AGBL4: variants seen among roughly 807,000 people sequenced by gnomAD.
AGBL4 encodes the protein AGBL carboxypeptidase 4.
Under a neutral mutation model 66.4 loss-of-function variants are expected in AGBL4, and 58 were observed. That is an observed-to-expected ratio of 0.87 (90% CI 0.71 to 1.09). AGBL4 has a LOEUF of 1.09. AGBL4 is among the 50% of genes least tolerant of loss of function. The pLI, the probability that AGBL4 is intolerant of heterozygous loss-of-function variation, is 0.00. For synonymous variants in AGBL4, 234 were observed against 222.9 expected (o/e 1.05, Z -0.44); for missense variants, 579 against 631.0 (o/e 0.92, Z 0.88).
At position 49,178,663 on chromosome 1, in the gene AGBL4, T is replaced by C. The variant is rs185848454; in HGVS notation, c.377+67107A>G. ...AGGTCTCATTCTCAAATTTAATCTT[T>C]ATGAGAACAAGGACCATTCCTGCTT... On this transcript the variant is annotated intron_variant, in intron 4 of 13. Coordinates refer to ENST00000371839, the MANE Select transcript of AGBL4 (RefSeq NM_032785.4). 3.5e-3 allele frequency among the ~76,000 whole-genome samples: 527 copies of C among 152,252 alleles called. 1 individual carries two copies. The highest frequency in any genetic ancestry group is 5.9e-3 in the Non-Finnish European group (401 of 68,014).
At chr1:48,587,621 A>T (rs1025516455) in intron 10 of AGBL4, among the ~76,000 whole-genome samples, 3 of 148,338 alleles carry the variant, frequency 2.0e-5, no homozygotes, top group Admixed American at 6.7e-5. Flanking sequence ...TTATTATTTT[A>T]TTTATTTTAT....
intron 2 of AGBL4, among the ~76,000 whole-genome samples, chr1:49,789,857 G>T (rs767466464): frequency 3.3e-5 from 5 of 152,138 alleles, no homozygotes; most frequent in African/African-American, 4.8e-5. Flanking sequence ...AACCAAAAAA[G>T]AGCCCGTATA....
intron 7 of AGBL4, among the ~76,000 whole-genome samples, chr1:48,662,106 G>C (rs537847542): frequency 2.6e-5 from 4 of 152,190 alleles, no homozygotes; most frequent in African/African-American, 9.7e-5. Context: ...GTAAGAATAC[G>C]AACTGGGAAA....
chr1:49,440,766 A>AC (rs1646010175), intron 3 of AGBL4, among the ~76,000 whole-genome samples: 1 of 152,178 alleles, frequency 6.6e-6, no homozygotes, highest in Non-Finnish European at 1.5e-5. Flanking sequence ...AGGTGCACGT[A>AC]CAGCCTCGCC....
chr1:49,893,408 A>C (rs1207483297), intron 1 of AGBL4, among the ~76,000 whole-genome samples: 1 of 152,186 alleles, frequency 6.6e-6, no homozygotes, highest in East Asian at 1.9e-4. Flanking sequence ...GTAAACCACA[A>C]AGTAGGCTCT....
intron 3 of AGBL4, among the ~76,000 whole-genome samples, chr1:49,415,654 G>A (rs764151427): frequency 2.0e-5 from 3 of 152,128 alleles, no homozygotes; most frequent in Non-Finnish European, 4.4e-5. Context: ...GCAAAGGAGA[G>A]TGAGAGATGG....
chr1:49,436,372 T>C (rs1645903609), intron 3 of AGBL4, among the ~76,000 whole-genome samples: 1 of 152,062 alleles, frequency 6.6e-6, no homozygotes, highest in Non-Finnish European at 1.5e-5. Flanking sequence ...TGATTATAAT[T>C]AGGTCAACAG....
At chr1:49,844,509 C>G (rs1646086252) in intron 2 of AGBL4, among the ~76,000 whole-genome samples, 1 of 151,876 alleles carries the variant, frequency 6.6e-6, no homozygotes, top group African/African-American at 2.4e-5. Flanking sequence ...CTTCCTTATT[C>G]TGTTTTTCCC....
At chr1:48,735,088 C>T (rs1210233888) in intron 6 of AGBL4, among the ~76,000 whole-genome samples, 2 of 152,180 alleles carry the variant, frequency 1.3e-5, no homozygotes, top group Non-Finnish European at 1.5e-5. Context: ...AGTAGGGTTG[C>T]TATGAGGATA....
chr1:49,300,900 G>A (rs907625308), intron 3 of AGBL4, among the ~76,000 whole-genome samples: 3 of 152,086 alleles, frequency 2.0e-5, no homozygotes, highest in African/African-American at 4.8e-5. Flanking sequence ...TTTCCTGATC[G>A]TAAGCCATGG....
intron 3 of AGBL4, among the ~76,000 whole-genome samples, chr1:49,344,723 T>C (rs1385334354): frequency 1.3e-5 from 2 of 152,328 alleles, no homozygotes; most frequent in Admixed American, 1.3e-4. Context: ...GATTTGTCTG[T>C]AAGGTTTTAT....
At chr1:49,803,391 G>A (rs1644908034) in intron 2 of AGBL4, among the ~76,000 whole-genome samples, 1 of 152,116 alleles carries the variant, frequency 6.6e-6, no homozygotes, top group Non-Finnish European at 1.5e-5. Flanking sequence ...TACTGCTTCA[G>A]AAAGCACCAC....
intron 2 of AGBL4, among the ~76,000 whole-genome samples, chr1:49,785,668 A>T (rs568072366): frequency 1.3e-5 from 2 of 151,868 alleles, no homozygotes; most frequent in African/African-American, 4.8e-5. Context: ...TTGAATTTCA[A>T]CTAACAACTG....
At chr1:49,882,533 T>C (rs1647498891) in intron 1 of AGBL4, among the ~76,000 whole-genome samples, 1 of 152,118 alleles carries the variant, frequency 6.6e-6, no homozygotes. Flanking sequence ...TGGAATGTTC[T>C]TCCATTTCTT....
At chr1:49,286,339 A>G (rs1188817024) in intron 3 of AGBL4, among the ~76,000 whole-genome samples, 1 of 151,706 alleles carries the variant, frequency 6.6e-6, no homozygotes, top group African/African-American at 2.4e-5. Context: ...CCTATTCAAC[A>G]TAGTATTGGA....
At chr1:49,972,822 G>A (rs909082927) in intron 1 of AGBL4, among the ~76,000 whole-genome samples, 4 of 152,042 alleles carry the variant, frequency 2.6e-5, no homozygotes, top group Admixed American at 1.3e-4. Context: ...TCCATGCTTC[G>A]GACATCCACT....
chr1:49,762,488 C>T (rs577742279), intron 2 of AGBL4, among the ~76,000 whole-genome samples: 25 of 151,604 alleles, frequency 1.6e-4, no homozygotes, highest in African/African-American at 5.3e-4. Flanking sequence ...TCTTGGCTCA[C>T]TGAAAGCTCC....
intron 1 of AGBL4, among the ~76,000 whole-genome samples, chr1:49,940,529 T>G (rs1373380319): frequency 6.6e-6 from 1 of 152,004 alleles, no homozygotes; most frequent in Admixed American, 6.6e-5. Flanking sequence ...CCATAAAAAA[T>G]GATGAGTTCA....
intron 5 of AGBL4, among the ~76,000 whole-genome samples, chr1:48,995,017 T>G (rs1280957298): frequency 6.6e-6 from 1 of 152,242 alleles, no homozygotes; most frequent in Non-Finnish European, 1.5e-5. Flanking sequence ...ATCACGAAAT[T>G]TGTTTATTTG....
Sources: gnomAD v4.1 joint callset for allele counts (sites outside exome capture counted in the v4.1 genomes callset) on GRCh38, gnomAD v4.1.1 for gene constraint, MANE v1.5 for transcripts, NCBI Gene and HGNC (gene_info 2026-07-23, HGNC 2026-07-21) for gene names.